SNX9: variants seen among roughly 807,000 people sequenced by gnomAD.
SNX9 encodes sorting nexin 9, also known as sorting nexin-9.
SNX9 carries 44 observed loss-of-function variants against 89.4 expected under a neutral mutation model. The ratio of observed to expected loss-of-function variants is 0.49; its 90% CI spans 0.39 to 0.63. The LOEUF (loss-of-function observed/expected upper bound fraction) is 0.63, where lower values mean the gene tolerates loss of function less well. SNX9 is among the 30% of genes least tolerant of loss of function. SNX9 has a pLI of 0.00. For missense variants in SNX9, 578 were observed against 736.1 expected (o/e 0.79, Z 2.49); for synonymous variants, 236 against 247.8 (o/e 0.95, Z 0.45).
chr6:157,931,093 G>A (rs1400647927), intron 12 of SNX9, among the ~76,000 whole-genome samples: 1 of 152,230 alleles, frequency 6.6e-6, no homozygotes, highest in African/African-American at 2.4e-5. Flanking sequence ...CTTTTGTGGG[G>A]TGGGGAAAGG....
Position 157,902,024 on chromosome 6 carries a change from C to G in SNX9, c.599C>G (p.Ser200Cys). ...QRGNSRASSS[S>C]MKIPLNKFPG... ...GGAAACAGTCGTGCTAGTTCCTCAT[C>G]CATGAAAATTCCCCTTAACAAGTAA... Residue 200 changes from serine to cysteine, a missense_variant, in exon 6 of 18, where the codon TCC becomes TGC. Ser to Cys is a moderately radical substitution (Grantham distance 112). Coordinates refer to ENST00000392185, the MANE Select transcript of SNX9 (RefSeq NM_016224.5). The G allele has an allele frequency of 6.2e-7, 1 of 1,613,128 alleles. No individual in the cohort carries two copies. Among genetic ancestry groups the G allele is most frequent in the South Asian group, 1.1e-5 (1 of 90,754 alleles).
At chr6:157,844,073 C>T (rs1045987348) in intron 1 of SNX9, among the ~76,000 whole-genome samples, 3 of 151,892 alleles carry the variant, frequency 2.0e-5, no homozygotes, top group South Asian at 2.1e-4. Flanking sequence ...CAGGGTTTCA[C>T]CACTTTGGCC....
chr6:157,934,983 G>A (rs1254557821), intron 13 of SNX9, among the ~76,000 whole-genome samples: 1 of 152,024 alleles, frequency 6.6e-6, no homozygotes, highest in Non-Finnish European at 1.5e-5. Context: ...GAAAATGTGA[G>A]CATTAGTGAA....
At chr6:157,900,482 AAAT>A (rs1783073349) in intron 5 of SNX9, among the ~76,000 whole-genome samples, 1 of 152,110 alleles carries the variant, frequency 6.6e-6, no homozygotes, top group South Asian at 2.1e-4. Context: ...GCCCGTTGAG[AAAT>A]AATAGACACA....
chr6:157,875,567 C>G (rs1782501259), intron 4 of SNX9, among the ~76,000 whole-genome samples: 1 of 152,138 alleles, frequency 6.6e-6, no homozygotes, highest in Admixed American at 6.6e-5. Flanking sequence ...TGCCCTGGCC[C>G]TGGCATGTTG....
rs866055457 is a variant in SNX9 at position 157,899,908 on chromosome 6, C to T, written c.473-1990C>T. 1.7e-4 allele frequency among the ~76,000 whole-genome samples: 20 copies of T among 117,308 alleles called. No individual in the cohort carries two copies. In the South Asian group the frequency reaches 1.8e-3, roughly 11 times the overall value. The allele number at this position is 117,308 out of a possible 152,430, so 77.0% of individuals were successfully genotyped here. On this transcript the variant is annotated intron_variant, in intron 5 of 17. Coordinates refer to ENST00000392185, the MANE Select transcript of SNX9 (RefSeq NM_016224.5). ...GATTACCTAAGTGTGTGTGTGTGCGCGTGTATATGTGCAAGTGCGTGCCTG... is the reference window on the plus strand; with the variant it reads ...GATTACCTAAGTGTGTGTGTGTGCGTGTGTATATGTGCAAGTGCGTGCCTG...
chr6:157,857,243 T>C (rs1372432167), intron 1 of SNX9, among the ~76,000 whole-genome samples: 1 of 152,226 alleles, frequency 6.6e-6, no homozygotes, highest in Non-Finnish European at 1.5e-5. Flanking sequence ...GGTACCTGTG[T>C]CTTTTTGACA....
chr6:157,823,335 A>G lies in SNX9; in HGVS notation c.-100A>G, dbSNP rs2115097520. On this transcript the variant is annotated 5_prime_UTR_variant, in exon 1 of 18. Transcript: ENST00000392185. The surrounding 1 kb of genome is among the most constrained non-coding windows in gnomAD (Gnocchi z 4.6). ...GGCCGCCGCGCCGGGGCCCAGCCGGAGCCGCCGCCCTCGCCCTTGCCTTTG... is the reference window on the plus strand; with the variant it reads ...GGCCGCCGCGCCGGGGCCCAGCCGGGGCCGCCGCCCTCGCCCTTGCCTTTG... 1 of 1,080,278 alleles carries G rather than the reference A, an allele frequency of 9.3e-7. No individual in the cohort carries two copies. The highest frequency in any genetic ancestry group is 1.2e-6 in the Non-Finnish European group (1 of 865,652). 66.9% of individuals were successfully genotyped at this position (1,080,278 alleles called of 1,614,324 possible). A position where few individuals can be genotyped will look rare whatever the true frequency, so the allele number is the denominator to read the frequency against.
intron 7 of SNX9, among the ~76,000 whole-genome samples, chr6:157,909,206 T>C (rs906718727): frequency 6.6e-6 from 1 of 152,242 alleles, no homozygotes; most frequent in East Asian, 1.9e-4. Context: ...CACCGTGAGA[T>C]AGGTACAGTA....
chr6:157,918,782 A>C (rs967577610), intron 9 of SNX9, among the ~76,000 whole-genome samples: 1 of 152,140 alleles, frequency 6.6e-6, no homozygotes, highest in Non-Finnish European at 1.5e-5. Flanking sequence ...CCTAAGGGAT[A>C]TAATATGCAT....
In SNX9 at chr6:157,823,585, C is replaced by A; in HGVS notation, c.12+139C>A. 4 of 698,104 alleles carry A rather than the reference C, an allele frequency of 5.7e-6. No homozygotes were observed. The highest frequency in any genetic ancestry group is 7.5e-6 in the Non-Finnish European group (4 of 532,002). 43.2% of individuals were successfully genotyped at this position (698,104 alleles called of 1,614,324 possible). A position where few individuals can be genotyped will look rare whatever the true frequency, so the allele number is the denominator to read the frequency against. ...CCGCTTCCTCGGTGGAGTCCCCGGG[C>A]GGGTCCGCGGCCCAGCCAGTCCCTT... On this transcript the variant is annotated intron_variant, in intron 1 of 17. Transcript: ENST00000392185. This position sits in a 1 kb window ranked among gnomAD's most constrained non-coding sequence, Gnocchi z 4.6.
At chr6:157,895,385 A>G (rs1393602104) in intron 4 of SNX9, among the ~76,000 whole-genome samples, 2 of 152,176 alleles carry the variant, frequency 1.3e-5, no homozygotes, top group African/African-American at 4.8e-5. Flanking sequence ...AGTAATTTAA[A>G]AAGTTGCTCT....
intron 2 of SNX9, among the ~76,000 whole-genome samples, chr6:157,871,773 CTT>C (rs750179923): frequency 0.075 from 9,111 of 121,910 alleles, 268 homozygotes; most frequent in African/African-American, 0.14. Flanking sequence ...TCAGTCTTAC[CTT>C]TTTTTTTTTT....
chr6:157,887,654 C>T (rs774027807), intron 4 of SNX9, among the ~76,000 whole-genome samples: 43 of 152,138 alleles, frequency 2.8e-4, no homozygotes, highest in Non-Finnish European at 5.6e-4. Context: ...GATTTGAACA[C>T]GGTTTCCTAT....
intron 9 of SNX9, among the ~76,000 whole-genome samples, chr6:157,919,070 A>G (rs1020668707): frequency 1.3e-5 from 2 of 152,172 alleles, no homozygotes; most frequent in African/African-American, 4.8e-5. Flanking sequence ...TTGTCTCTGC[A>G]GATTCAAGTC....
chr6:157,942,289 A>G (rs1413244944), intron 17 of SNX9, among the ~76,000 whole-genome samples: 1 of 152,234 alleles, frequency 6.6e-6, no homozygotes, highest in Non-Finnish European at 1.5e-5. Context: ...TGGATAAGAC[A>G]GCTGTGCCTT....
At chr6:157,864,070 A>G (rs138120326) in intron 1 of SNX9, among the ~76,000 whole-genome samples, 1 of 152,304 alleles carries the variant, frequency 6.6e-6, no homozygotes, top group African/African-American at 2.4e-5. Flanking sequence ...GGTAACTTAT[A>G]AAGAACAGAA....
At chr6:157,902,637 T>A (rs903105414) in intron 6 of SNX9, among the ~76,000 whole-genome samples, 1 of 152,098 alleles carries the variant, frequency 6.6e-6, no homozygotes, top group Non-Finnish European at 1.5e-5. Flanking sequence ...TAGGTTTCTC[T>A]TAGATTTAAA....
At chr6:157,885,602 G>A (rs1331266686) in intron 4 of SNX9, among the ~76,000 whole-genome samples, 2 of 152,180 alleles carry the variant, frequency 1.3e-5, no homozygotes, top group South Asian at 2.1e-4. Context: ...ACAGTTGCAC[G>A]TGGTATAGTC....
Sources: allele counts gnomAD v4.1 joint callset (sites outside exome capture counted in the v4.1 genomes callset), GRCh38; gene constraint gnomAD v4.1.1; non-coding constraint Gnocchi (gnomAD v3.1); transcripts MANE v1.5; gene names NCBI Gene and HGNC (gene_info 2026-07-23, HGNC 2026-07-21).